The following LINGO1 variants were observed in gnomAD, a reference collection of about 807,000 sequenced individuals.
LINGO1 encodes the protein leucine-rich repeat and immunoglobulin-like domain-containing nogo receptor-interacting protein 1.
A neutral mutation model predicts 37.3 loss-of-function variants in LINGO1; 11 were observed. The ratio of observed to expected loss-of-function variants is 0.29; its 90% CI spans 0.19 to 0.49. The LOEUF (loss-of-function observed/expected upper bound fraction) is 0.49, where lower values mean the gene tolerates loss of function less well. LINGO1 is among the 20% of genes least tolerant of loss of function. The pLI, the probability that LINGO1 is intolerant of heterozygous loss-of-function variation, is 0.99. For missense variants in LINGO1, 585 were observed against 878.2 expected (o/e 0.67, Z 4.22); for synonymous variants, 387 against 403.0 (o/e 0.96, Z 0.48).
chr15:77,817,257 G>C (rs1299330836), intron 1 of LINGO1, among the ~76,000 whole-genome samples: 1 of 152,168 alleles, frequency 6.6e-6, no homozygotes, highest in Admixed American at 6.5e-5. Context: ...CTGACCTCCT[G>C]TTCTTCAGGT....
At chr15:77,802,404 G>A (rs1008376960) in intron 1 of LINGO1, among the ~76,000 whole-genome samples, 27 of 150,494 alleles carry the variant, frequency 1.8e-4, no homozygotes, top group Non-Finnish European at 4.0e-4. Context: ...CTGTGCCCCC[G>A]GGTGTTCCCC....
chr15:77,801,549 C>T (rs2076918573), intron 1 of LINGO1, among the ~76,000 whole-genome samples: 1 of 151,680 alleles, frequency 6.6e-6, no homozygotes, highest in South Asian at 2.1e-4. Flanking sequence ...ATTGTTGGGT[C>T]TTCTGTTGTA....
chr15:77,759,836 AT>A (rs1458054626), intron 1 of LINGO1, among the ~76,000 whole-genome samples: 1 of 152,204 alleles, frequency 6.6e-6, no homozygotes, highest in African/African-American at 2.4e-5. Context: ...TCCCTGTGTT[AT>A]TTTTTAAAGT....
chr15:77,664,049 G>C (rs1318913605), intron 3 of LINGO1, among the ~76,000 whole-genome samples: 1 of 152,116 alleles, frequency 6.6e-6, no homozygotes, highest in Non-Finnish European at 1.5e-5. Flanking sequence ...TGCTGGGGAA[G>C]GTGGGGAGCT....
At chr15:77,815,695 C>T (rs960786744) in intron 1 of LINGO1, among the ~76,000 whole-genome samples, 3 of 152,062 alleles carry the variant, frequency 2.0e-5, no homozygotes, top group African/African-American at 4.8e-5. Context: ...GAGCCCTCGC[C>T]GAACTCTGAC....
At chr15:77,650,585 T>C (rs921540465) in intron 3 of LINGO1, among the ~76,000 whole-genome samples, 1 of 152,138 alleles carries the variant, frequency 6.6e-6, no homozygotes, top group Non-Finnish European at 1.5e-5. Flanking sequence ...TTGTCTGTCA[T>C]GGACTCCCAC....
intron 2 of LINGO1, among the ~76,000 whole-genome samples, chr15:77,681,155 C>T (rs1338878791): frequency 1.3e-5 from 2 of 152,042 alleles, no homozygotes; most frequent in African/African-American, 2.4e-5. Flanking sequence ...TTCTTTGCCT[C>T]GAGCATCTAT....
At chr15:77,780,809 G>T (rs938778774) in intron 1 of LINGO1, among the ~76,000 whole-genome samples, 1 of 150,950 alleles carries the variant, frequency 6.6e-6, no homozygotes, top group Non-Finnish European at 1.5e-5. Flanking sequence ...CAGCAAGAAG[G>T]TGGCCATAGG....
chr15:77,715,495 C>G (rs1241905357), intron 2 of LINGO1, among the ~76,000 whole-genome samples: 1 of 152,218 alleles, frequency 6.6e-6, no homozygotes, highest in Non-Finnish European at 1.5e-5. Context: ...GATGCTGGGA[C>G]TTGGGCCACA....
intron 3 of LINGO1, among the ~76,000 whole-genome samples, chr15:77,671,378 G>A (rs2075246159): frequency 6.6e-6 from 1 of 152,192 alleles, no homozygotes; most frequent in Admixed American, 6.5e-5. Flanking sequence ...AAGAAAAGAG[G>A]TGGGGCGAGA....
chr15:77,758,737 C>A (rs1368588329), intron 1 of LINGO1, among the ~76,000 whole-genome samples: 1 of 152,066 alleles, frequency 6.6e-6, no homozygotes, highest in Admixed American at 6.5e-5. Flanking sequence ...AGACTGCCTC[C>A]TATATGGGGG....
At chr15:77,708,901 G>A (rs377023690) in intron 2 of LINGO1, among the ~76,000 whole-genome samples, 20 of 152,292 alleles carry the variant, frequency 1.3e-4, no homozygotes, top group African/African-American at 4.3e-4. Flanking sequence ...GTGACAGAGC[G>A]AGACTGTCTC....
rs2073588050 is a variant in LINGO1 at position 77,613,829 on chromosome 15, G to A, written c.*215C>T. ...TCCAGTCTGTCAATGCCCCTGTGTA[G>A]GTGGGGTCCCCAGGTCTGGGCTTCT... On this transcript the variant is annotated 3_prime_UTR_variant, in exon 2 of 2. Coordinates refer to ENST00000355300, the MANE Select transcript of LINGO1 (RefSeq NM_032808.7). 5.1e-6 allele frequency: 3 copies of A among 586,274 alleles called. No individual in the cohort carries two copies. The highest frequency in any genetic ancestry group is 3.7e-5 in the African/African-American group (2 of 53,656). 36.3% of individuals were successfully genotyped at this position (586,274 alleles called of 1,614,324 possible).
chr15:77,765,330 G>T (rs1399874568), intron 1 of LINGO1, among the ~76,000 whole-genome samples: 1 of 151,662 alleles, frequency 6.6e-6, no homozygotes, highest in African/African-American at 2.4e-5. Flanking sequence ...CATGAGAATC[G>T]CTTGAACCCA....
At chr15:77,731,918 C>T (rs1262064990) in intron 2 of LINGO1, among the ~76,000 whole-genome samples, 3 of 152,168 alleles carry the variant, frequency 2.0e-5, no homozygotes, top group African/African-American at 4.8e-5. Context: ...CCGCCTCCCC[C>T]ACCACAACCA....
In LINGO1 at chr15:77,757,807, G is replaced by C. The variant is rs149856282; in HGVS notation, c.-256-22754C>G. ...GGGCTGGCTGGAATGCCCCAGAACA[G>C]GGGCTCAGTCCCCAGCCCTGGCCCA... On this transcript the variant is annotated intron_variant, in intron 1 of 3. Transcript: ENST00000561686. Among the ~76,000 whole-genome samples, 37 of 152,316 alleles carry C rather than the reference G, an allele frequency of 2.4e-4. 1 individual carries two copies. The East Asian group carries it at 7.0e-3, about 29-fold the overall frequency.
intron 2 of LINGO1, among the ~76,000 whole-genome samples, chr15:77,701,564 C>T (rs78690315): frequency 0.039 from 5,937 of 152,164 alleles, 206 homozygotes; most frequent in East Asian, 0.18. Context: ...GGAGGTGGGG[C>T]CTGGTGGAAG....
chr15:77,766,266 C>T (rs1314031714), intron 1 of LINGO1, among the ~76,000 whole-genome samples: 2 of 127,778 alleles, frequency 1.6e-5, no homozygotes, highest in African/African-American at 6.2e-5. Flanking sequence ...CCACTGCACT[C>T]TAGCCTGGGT....
intron 1 of LINGO1, among the ~76,000 whole-genome samples, chr15:77,756,472 TGACA>T (rs1378130513): frequency 6.2e-4 from 86 of 138,804 alleles, no homozygotes; most frequent in East Asian, 2.9e-3. Context: ...TGACATACAA[TGACA>T]GACAGACAGA....
Sources: allele counts gnomAD v4.1 joint callset (sites outside exome capture counted in the v4.1 genomes callset), GRCh38; gene constraint gnomAD v4.1.1; transcripts MANE v1.5; gene names NCBI Gene and HGNC (gene_info 2026-07-23, HGNC 2026-07-21).